Variants in NTNG1 observed in about 807,000 individuals in gnomAD.
The protein encoded by NTNG1 is netrin-G1.
Under a neutral mutation model 54.0 loss-of-function variants are expected in NTNG1, and 16 were observed. The ratio of observed to expected loss-of-function variants is 0.30; its 90% CI spans 0.20 to 0.45. NTNG1 has a LOEUF of 0.45. Ranked by LOEUF, NTNG1 falls within the 20% of genes least tolerant of loss-of-function variation. The probability of loss-of-function intolerance (pLI) is 1.00; values close to 1 mark genes in which losing one functional copy is unlikely to be tolerated. For missense variants in NTNG1, 530 were observed against 678.7 expected (o/e 0.78, Z 2.43); for synonymous variants, 255 against 263.1 (o/e 0.97, Z 0.30).
chr1:107,344,380 G>A (rs988252352), intron 3 of NTNG1, among the ~76,000 whole-genome samples: 1 of 152,102 alleles, frequency 6.6e-6, no homozygotes, highest in Admixed American at 6.6e-5. Context: ...TTTAGGAGAG[G>A]ACAGGGCTCC....
intron 2 of NTNG1, among the ~76,000 whole-genome samples, chr1:107,271,285 C>G (rs4317835): frequency 0.97 from 147,536 of 152,226 alleles, 71,605 homozygotes; most frequent in South Asian, 1. Context: ...TGCCATGCTG[C>G]TGTGCTGCAC....
chr1:107,312,209 C>T (rs911440055), intron 2 of NTNG1, among the ~76,000 whole-genome samples: 6 of 151,844 alleles, frequency 4.0e-5, no homozygotes, highest in Admixed American at 6.6e-5. Flanking sequence ...AATGAAGCTG[C>T]GGTGAAAAAT....
chr1:107,144,800 G>C (rs1653988167), intron 1 of NTNG1, among the ~76,000 whole-genome samples: 1 of 151,894 alleles, frequency 6.6e-6, no homozygotes, highest in African/African-American at 2.4e-5. Context: ...ATACACCGGA[G>C]GTCTATGGGG....
chr1:107,167,249 G>C (rs113236154), intron 2 of NTNG1, among the ~76,000 whole-genome samples: 9 of 151,706 alleles, frequency 5.9e-5, no homozygotes, highest in Non-Finnish European at 1.5e-5. Flanking sequence ...GTTATCCTTA[G>C]AGTGGCACGA....
chr1:107,402,308 G>A lies in NTNG1; in HGVS notation c.1061-5374G>A, dbSNP rs551059054. 6.5e-4 allele frequency among the ~76,000 whole-genome samples: 99 copies of A among 152,230 alleles called. 1 individual carries two copies. The highest frequency in any genetic ancestry group is 2.4e-4 in the Non-Finnish European group (16 of 68,004). On this transcript the variant is annotated intron_variant, in intron 4 of 7. Transcript: ENST00000370068. ...CCTGACCCATCCATCCTGCCTCAGG[G>A]TCAGCCTTCTTCATGCCAACAGGAC...
chr1:107,207,690 A>T (rs1285109008), intron 2 of NTNG1, among the ~76,000 whole-genome samples: 1 of 152,192 alleles, frequency 6.6e-6, no homozygotes, highest in African/African-American at 2.4e-5. Context: ...ATGAGGTGAC[A>T]TATGTATCTC....
intron 7 of NTNG1, among the ~76,000 whole-genome samples, chr1:107,452,432 G>C (rs1030856278): frequency 3.3e-5 from 5 of 152,118 alleles, no homozygotes; most frequent in Admixed American, 6.6e-5. Flanking sequence ...GTGGCACTAT[G>C]GTATAAATAG....
chr1:107,451,661 G>A (rs993696325), intron 7 of NTNG1, among the ~76,000 whole-genome samples: 12 of 152,158 alleles, frequency 7.9e-5, no homozygotes. Context: ...ACCCCCAGGA[G>A]AGAGAGAAAC....
At chr1:107,309,794 C>T (rs75309710) in intron 2 of NTNG1, among the ~76,000 whole-genome samples, 201 of 152,252 alleles carry the variant, frequency 1.3e-3, no homozygotes, top group Non-Finnish European at 2.3e-3. Context: ...TCAAACCCAA[C>T]ATTTCTACCC....
At chr1:107,473,643 A>T (rs1211915090) in intron 7 of NTNG1, among the ~76,000 whole-genome samples, 1 of 152,244 alleles carries the variant, frequency 6.6e-6, no homozygotes, top group Non-Finnish European at 1.5e-5. Context: ...CTCCTCATCC[A>T]AGATGGTGCA....
At chr1:107,300,588 A>G (rs1306336531) in intron 2 of NTNG1, among the ~76,000 whole-genome samples, 1 of 152,196 alleles carries the variant, frequency 6.6e-6, no homozygotes, top group Admixed American at 6.6e-5. Context: ...GTTGCAAGCA[A>G]GTATAAAAAT....
At chr1:107,162,910 G>T (rs1416992802) in intron 2 of NTNG1, among the ~76,000 whole-genome samples, 2 of 152,082 alleles carry the variant, frequency 1.3e-5, no homozygotes, top group Non-Finnish European at 2.9e-5. Flanking sequence ...GGAATAACTT[G>T]TCTCCTAGAT....
chr1:107,359,768 G>A (rs541754770), intron 3 of NTNG1, among the ~76,000 whole-genome samples: 4 of 152,002 alleles, frequency 2.6e-5, no homozygotes, highest in South Asian at 2.1e-4. Context: ...TGCATACACC[G>A]TGCTAATTCA....
intron 2 of NTNG1, among the ~76,000 whole-genome samples, chr1:107,210,536 C>G (rs1330877693): frequency 6.6e-6 from 1 of 152,152 alleles, no homozygotes; most frequent in African/African-American, 2.4e-5. Flanking sequence ...GCCCATTGTG[C>G]CTGGCAGCTC....
chr1:107,348,836 ATAT>A (rs934644643), intron 3 of NTNG1, among the ~76,000 whole-genome samples: 2 of 152,150 alleles, frequency 1.3e-5, no homozygotes, highest in African/African-American at 4.8e-5. Context: ...GTTGATAGGA[ATAT>A]TATTATACTG....
At chr1:107,338,625 A>G (rs1423817089) in intron 3 of NTNG1, among the ~76,000 whole-genome samples, 3 of 151,960 alleles carry the variant, frequency 2.0e-5, no homozygotes, top group Non-Finnish European at 4.4e-5. Flanking sequence ...ATTTCCAGGT[A>G]GTTCTAAGCA....
At chr1:107,388,736 T>G (rs1376330121) in intron 3 of NTNG1, among the ~76,000 whole-genome samples, 1 of 152,226 alleles carries the variant, frequency 6.6e-6, no homozygotes, top group Non-Finnish European at 1.5e-5. Flanking sequence ...CCCAGTGTCA[T>G]AACTCATCAA....
intron 2 of NTNG1, among the ~76,000 whole-genome samples, chr1:107,259,541 A>T (rs929910500): frequency 6.6e-6 from 1 of 152,248 alleles, no homozygotes; most frequent in African/African-American, 2.4e-5. Context: ...TCATTGATAT[A>T]AATCCAGAAC....
At chr1:107,418,380 A>C (rs1674352638) in intron 5 of NTNG1, among the ~76,000 whole-genome samples, 1 of 152,040 alleles carries the variant, frequency 6.6e-6, no homozygotes, top group South Asian at 2.1e-4. Flanking sequence ...GTAGCTATAT[A>C]TTTAATGTCC....
Sources: allele counts gnomAD v4.1 joint callset (sites outside exome capture counted in the v4.1 genomes callset), GRCh38; gene constraint gnomAD v4.1.1; transcripts MANE v1.5; gene names NCBI Gene and HGNC (gene_info 2026-07-23, HGNC 2026-07-21).